Variants in ZBTB16 observed in about 807,000 individuals in gnomAD.
ZBTB16 encodes zinc finger and BTB domain-containing protein 16.
Under a neutral mutation model 56.8 loss-of-function variants are expected in ZBTB16, and 8 were observed. That is an observed-to-expected ratio of 0.14 (90% CI 0.08 to 0.25). The LOEUF is 0.25. ZBTB16 is among the 10% of genes least tolerant of loss of function. ZBTB16 has a pLI of 1.00. For synonymous variants in ZBTB16, 363 were observed against 368.5 expected (o/e 0.98, Z 0.17); for missense variants, 625 against 903.0 (o/e 0.69, Z 3.95).
At chr11:114,111,793 A>G (rs760351434) in intron 2 of ZBTB16, among the ~76,000 whole-genome samples, 1 of 152,160 alleles carries the variant, frequency 6.6e-6, no homozygotes, top group Non-Finnish European at 1.5e-5. Context: ...TGGTTTTCCT[A>G]ATTAAGTTAA....
rs182849761 is a variant in ZBTB16, at chr11:114,119,788, A to G, written c.1269-36549A>G. Reference sequence around the variant, plus strand: ...TTTTGTGGTATTGTTAAATCAGAGTACAGATGATAAATGGAAGCTCAGAGT... The same window carrying G: ...TTTTGTGGTATTGTTAAATCAGAGTGCAGATGATAAATGGAAGCTCAGAGT... On this transcript the variant is annotated intron_variant, in intron 2 of 6. Coordinates refer to ENST00000335953, the MANE Select transcript of ZBTB16 (RefSeq NM_006006.6). Among the ~76,000 whole-genome samples, 24 of 152,334 alleles carry G rather than the reference A, an allele frequency of 1.6e-4. No homozygotes were observed. The East Asian group carries it at 4.6e-3, about 29-fold the overall frequency.
intron 2 of ZBTB16, among the ~76,000 whole-genome samples, chr11:114,124,575 AAAAC>A (rs1299650325): frequency 2.0e-5 from 3 of 149,668 alleles, no homozygotes; most frequent in Non-Finnish European, 4.5e-5. Flanking sequence ...AAAAAAAACA[AAAAC>A]AAAACAAAAA....
intron 4 of ZBTB16, among the ~76,000 whole-genome samples, chr11:114,213,099 G>A (rs1248744472): frequency 6.6e-6 from 1 of 151,942 alleles, no homozygotes. Flanking sequence ...AGCTGTGACT[G>A]GCCAGGACAC....
At chr11:114,208,374 G>T (rs1943931276) in intron 4 of ZBTB16, among the ~76,000 whole-genome samples, 2 of 152,240 alleles carry the variant, frequency 1.3e-5, no homozygotes, top group South Asian at 4.2e-4. Flanking sequence ...CCAGGTGAAG[G>T]ACCTTGGAAG....
At chr11:114,067,516 C>T (rs1939161583) in intron 2 of ZBTB16, among the ~76,000 whole-genome samples, 2 of 152,248 alleles carry the variant, frequency 1.3e-5, no homozygotes, top group South Asian at 2.1e-4. Context: ...AAGTGATTCT[C>T]CTGCCTCAGC....
chr11:114,204,945 C>T (rs567298459), intron 4 of ZBTB16, among the ~76,000 whole-genome samples: 12 of 152,280 alleles, frequency 7.9e-5, no homozygotes, highest in African/African-American at 2.4e-4. Flanking sequence ...TGGCACTGCC[C>T]TGAGGTCGGG....
chr11:114,212,066 C>A lies in ZBTB16; in HGVS notation c.1453+25028C>A, dbSNP rs548517931. Among the ~76,000 whole-genome samples, 7 of 152,158 alleles carry A rather than the reference C, an allele frequency of 4.6e-5. No homozygotes were observed. In the South Asian group the frequency reaches 1.5e-3, roughly 32 times the overall value. On this transcript the variant is annotated intron_variant, in intron 4 of 6. Transcript: ENST00000335953. The stretch of plus-strand genomic sequence containing the variant: ...AAGGGTCATCTCATGTGTCTTGCCG[C>A]CAGCCCACCTCCTTTTGTACAGTGT...
At chr11:114,190,728 C>CATAT (rs10558106) in intron 4 of ZBTB16, among the ~76,000 whole-genome samples, 22,301 of 108,048 alleles carry the variant, frequency 0.21, 1,629 homozygotes, top group African/African-American at 0.32. Context: ...ACCTCTCTCT[C>CATAT]ATACACACAC....
intron 2 of ZBTB16, among the ~76,000 whole-genome samples, chr11:114,153,517 G>T (rs1942326974): frequency 6.6e-6 from 1 of 152,230 alleles, no homozygotes. Context: ...TCATTCCGAG[G>T]ACAGGCTGGT....
At chr11:114,161,197 G>C (rs1942580461) in intron 3 of ZBTB16, among the ~76,000 whole-genome samples, 1 of 152,146 alleles carries the variant, frequency 6.6e-6, no homozygotes, top group African/African-American at 2.4e-5. Context: ...TTCCCATTAG[G>C]TAGATTTCCC....
intron 2 of ZBTB16, among the ~76,000 whole-genome samples, chr11:114,140,866 T>C (rs1336874341): frequency 1.3e-5 from 2 of 152,030 alleles, no homozygotes; most frequent in Admixed American, 1.3e-4. Context: ...TTGGAAACAT[T>C]CTCCTTCTCA....
chr11:114,070,736 C>T (rs184409023), intron 2 of ZBTB16, among the ~76,000 whole-genome samples: 3 of 152,290 alleles, frequency 2.0e-5, no homozygotes, highest in Admixed American at 6.5e-5. Context: ...TCTTCCTTGA[C>T]GTCAATCCTA....
chr11:114,148,469 C>CTCTCTTTCTT (rs36194689), intron 2 of ZBTB16, among the ~76,000 whole-genome samples: 3 of 60,904 alleles, frequency 4.9e-5, no homozygotes, highest in African/African-American at 1.6e-4. Flanking sequence ...CTCTCTCTCT[C>CTCTCTTTCTT]TCTTTCTTTC....
intron 4 of ZBTB16, among the ~76,000 whole-genome samples, chr11:114,211,992 G>C (rs1201764293): frequency 6.6e-6 from 1 of 152,212 alleles, no homozygotes; most frequent in Non-Finnish European, 1.5e-5. Flanking sequence ...GCATGTGATT[G>C]ATTATCTGGT....
intron 2 of ZBTB16, among the ~76,000 whole-genome samples, chr11:114,091,192 A>G (rs1940171686): frequency 6.6e-6 from 1 of 152,164 alleles, no homozygotes. Flanking sequence ...CTAAAAAAAT[A>G]TAAAAATTAA....
intron 4 of ZBTB16, chr11:114,187,439 G>C (rs1267708250): frequency 1.1e-5 from 3 of 266,678 alleles, no homozygotes; most frequent in South Asian, 5.1e-5. Flanking sequence ...GCCACAGTTG[G>C]CTGGTCCTCC....
At chr11:114,173,234 G>GT (rs1453277442) in intron 3 of ZBTB16, among the ~76,000 whole-genome samples, 1 of 152,224 alleles carries the variant, frequency 6.6e-6, no homozygotes. Context: ...CTGAATGGGT[G>GT]TTGGGGAGTA....
In ZBTB16 at chr11:114,250,598, G is replaced by T; in HGVS notation, c.*43G>T. The T allele has an allele frequency of 6.3e-7, 1 of 1,594,474 alleles. No individual in the cohort carries two copies. The highest frequency in any genetic ancestry group is 8.6e-7 in the Non-Finnish European group (1 of 1,163,048). On this transcript the variant is annotated 3_prime_UTR_variant, in exon 7 of 7. Transcript: ENST00000335953. This position sits in a 1 kb window ranked among gnomAD's most constrained non-coding sequence, Gnocchi z 6.0. ...TGGAGCCGAGCGGGGAGCCAGGAAA[G>T]AAGAGTTGGAGTGAGATGAAGGAAG...
intron 2 of ZBTB16, among the ~76,000 whole-genome samples, chr11:114,087,740 A>G (rs1259838329): frequency 6.6e-6 from 1 of 152,180 alleles, no homozygotes; most frequent in Admixed American, 6.5e-5. Context: ...CTAGAGAAGA[A>G]ACGAGAGAAT....
Sources: gnomAD v4.1 joint callset for allele counts (sites outside exome capture counted in the v4.1 genomes callset) on GRCh38, gnomAD v4.1.1 for gene constraint, Gnocchi (gnomAD v3.1) non-coding constraint, MANE v1.5 for transcripts, NCBI Gene and HGNC (gene_info 2026-07-23, HGNC 2026-07-21) for gene names.